TLE4: variants seen among roughly 807,000 people sequenced by gnomAD.
TLE4 encodes the protein transducin-like enhancer protein 4.
A neutral mutation model predicts 92.8 loss-of-function variants in TLE4; 8 were observed. That is an observed-to-expected ratio of 0.09 (90% confidence interval 0.05 to 0.16). The LOEUF is 0.16. Ranked by LOEUF, TLE4 falls within the 10% of genes least tolerant of loss-of-function variation. The pLI, the probability that TLE4 is intolerant of heterozygous loss-of-function variation, is 1.00. For synonymous variants in TLE4, 371 were observed against 374.1 expected, an observed-to-expected ratio of 0.99 and a Z score of 0.10; for missense variants, 675 against 997.6, an observed-to-expected ratio of 0.68 and a Z score of 4.36.
chr9:79,606,619 A>C (rs562851938), intron 4 of TLE4, among the ~76,000 whole-genome samples: 1 of 152,088 alleles, frequency 6.6e-6, no homozygotes, highest in East Asian at 1.9e-4. Flanking sequence ...GAGTGAGAAC[A>C]TGTGGTGTCT....
At chr9:79,627,237 A>G in intron 5 of TLE4, 137 bp from the exon 6 acceptor site, 4 of 819,342 alleles carry the variant, frequency 4.9e-6, no homozygotes, top group Middle Eastern at 3.2e-4. Flanking sequence ...CCATCACCTC[A>G]GGCTTGTATT....
At chr9:79,578,339 G>T (rs2038587020) in intron 4 of TLE4, among the ~76,000 whole-genome samples, 1 of 152,182 alleles carries the variant, frequency 6.6e-6, no homozygotes, top group Non-Finnish European at 1.5e-5. Flanking sequence ...GCCCTTGGAA[G>T]TACCCTAGTA....
intron 19 of TLE4, 113 bp downstream of exon 19, chr9:79,723,148 C>T: frequency 1.0e-6 from 1 of 963,576 alleles, no homozygotes; most frequent in Middle Eastern, 2.2e-4. Context: ...TAGTATTATG[C>T]ACATTGTACA....
chr9:79,658,980 C>T (rs2060154338), intron 8 of TLE4, among the ~76,000 whole-genome samples: 1 of 152,138 alleles, frequency 6.6e-6, no homozygotes, highest in South Asian at 2.1e-4. Flanking sequence ...TCCACTGTAA[C>T]CTAGGGAAAA....
intron 6 of TLE4, among the ~76,000 whole-genome samples, chr9:79,650,061 G>A (rs1353687346): frequency 3.3e-5 from 5 of 151,788 alleles, no homozygotes; most frequent in Non-Finnish European, 7.4e-5. Context: ...GACTACAGAT[G>A]TGCGCCACCA....
chr9:79,679,058 T>G (rs2063869054), intron 8 of TLE4, among the ~76,000 whole-genome samples: 1 of 151,884 alleles, frequency 6.6e-6, no homozygotes, highest in East Asian at 1.9e-4. Flanking sequence ...TCTTTGCTAT[T>G]GTGAATAGTG....
At chr9:79,575,885 CTG>C in intron 3 of TLE4, 1 of 326,602 alleles carries the variant, frequency 3.1e-6, no homozygotes. Flanking sequence ...TATAAAGAAA[CTG>C]GAGATGTTAA....
intron 4 of TLE4, among the ~76,000 whole-genome samples, chr9:79,589,189 G>A (rs1486061825): frequency 6.6e-6 from 1 of 152,144 alleles, no homozygotes; most frequent in Non-Finnish European, 1.5e-5. Context: ...CCTTTTTATG[G>A]CCCGGAGAGT....
chr9:79,627,544 G>A, intron 6 of TLE4, 96 bp downstream of exon 6: 2 of 1,214,740 alleles, frequency 1.6e-6, no homozygotes, highest in Non-Finnish European at 2.4e-6. Context: ...GGGGCAAAAA[G>A]CAATAGATGA....
chr9:79,631,616 A>ATGTGTGTGTGTGTGTG lies in TLE4; in HGVS notation c.390+4200_390+4215dup, dbSNP rs57129541. 7.1e-3 allele frequency among the ~76,000 whole-genome samples: 841 copies of ATGTGTGTGTGTGTGTG among 118,212 alleles called. 15 individuals are homozygous for ATGTGTGTGTGTGTGTG. The highest frequency in any genetic ancestry group is 0.026 in the Middle Eastern group (5 of 190). The allele number at this position is 118,212 out of a possible 152,430, so 77.6% of individuals were successfully genotyped here. On this transcript the variant is annotated intron_variant, in intron 6 of 19. Transcript: ENST00000376552. ...TCCTTGTCATATGATTGAACCTTAA[A>ATGTGTGTGTGTGTGTG]TGTGTGTGTGTGTGTGTGTGTGTGT... is the stretch of plus-strand genomic sequence containing the variant.
chr9:79,688,742 A>C (rs2066423272), intron 8 of TLE4, among the ~76,000 whole-genome samples: 1 of 151,918 alleles, frequency 6.6e-6, no homozygotes. Flanking sequence ...CAACTTAAAA[A>C]GAAGTTTTAT....
At chr9:79,653,973 G>A in intron 7 of TLE4, 86 bp from the exon 8 acceptor site, 1 of 1,412,066 alleles carries the variant, frequency 7.1e-7, no homozygotes, top group South Asian at 1.2e-5. Context: ...TGATAAATCA[G>A]TATGATTTTA....
rs2072317972 is a variant in TLE4 at position 79,708,496 on chromosome 9, A to C, written c.1070-97A>C. ...CTTTTGAGAATATTAAAATAAGCTC[A>C]TTTGAACCATAGATTCTATTTTGTG... On this transcript the variant is annotated intron_variant, in intron 12 of 19. Coordinates refer to ENST00000376552, the MANE Select transcript of TLE4 (RefSeq NM_007005.6). 1.3e-5 allele frequency: 17 copies of C among 1,269,914 alleles called. No individual in the cohort carries two copies. The South Asian group carries it at 2.1e-4, about 16-fold the overall frequency. The allele number at this position is 1,269,914 out of a possible 1,614,324, so 78.7% of individuals were successfully genotyped here.
At chr9:79,721,627 A>C in intron 16 of TLE4, 114 bp from the exon 17 acceptor site, 1 of 1,485,892 alleles carries the variant, frequency 6.7e-7, no homozygotes, top group Non-Finnish European at 9.1e-7. Context: ...TAATAAACCA[A>C]AATGAAATCT....
intron 8 of TLE4, among the ~76,000 whole-genome samples, chr9:79,659,238 A>G (rs781211332): frequency 4.6e-5 from 7 of 152,232 alleles, no homozygotes; most frequent in Non-Finnish European, 7.3e-5. Flanking sequence ...GAAACATACT[A>G]CAAAGTACAA....
At position 79,722,823 on chromosome 9, in the gene TLE4, G is replaced by T. The variant is rs1439151424; in HGVS notation, c.2138-136G>T. 11 of 989,586 alleles carry T rather than the reference G, an allele frequency of 1.1e-5. No homozygotes were observed. In the East Asian group the frequency reaches 2.6e-4, roughly 24 times the overall value. 61.3% of individuals were successfully genotyped at this position (989,586 alleles called of 1,614,324 possible). A position where few individuals can be genotyped will look rare whatever the true frequency, so the allele number is the denominator to read the frequency against. Reference sequence around the variant, plus strand: ...GACTCGATTAAATCCAGAAAGATAGGCTTTATTTTTGAAGTGAAAGTTATT... The same window carrying T: ...GACTCGATTAAATCCAGAAAGATAGTCTTTATTTTTGAAGTGAAAGTTATT... On this transcript the variant is annotated intron_variant, in intron 18 of 19. Coordinates refer to ENST00000376552, the MANE Select transcript of TLE4 (RefSeq NM_007005.6).
chr9:79,718,574 A>G (rs889825109), intron 14 of TLE4, 148 bp from the exon 15 acceptor site: 299 of 1,233,094 alleles, frequency 2.4e-4, no homozygotes, highest in Non-Finnish European at 5.7e-5. Context: ...TCTGGAAATT[A>G]TGTTCTTTAC....
chr9:79,706,781 C>T lies in TLE4; in HGVS notation c.818C>T (p.Ser273Phe). The T allele has an allele frequency of 1.2e-6, 2 of 1,614,112 alleles. No homozygotes were observed. The highest frequency in any genetic ancestry group is 1.7e-6 in the Non-Finnish European group (2 of 1,180,006). The change falls in exon 11 of 20, where the codon TCC becomes TTC. Residue 273 changes from serine (S) to phenylalanine (F), a missense_variant. This residue lies in a region of TLE4 where 280 missense variants were observed against 287.3 expected (regional missense o/e 0.97). Coordinates refer to ENST00000376552, the MANE Select transcript of TLE4 (RefSeq NM_007005.6). ...PSSPRGSPAH[S>F]PRENGLDKTR... is the part of the protein sequence containing the mutation. ...TCCCCTCGAGGGAGCCCAGCACATT[C>T]CCCCAGAGAGAATGGCCTAGACAAG...
At chr9:79,675,872 A>T (rs1406121889) in intron 8 of TLE4, among the ~76,000 whole-genome samples, 1 of 152,118 alleles carries the variant, frequency 6.6e-6, no homozygotes, top group Non-Finnish European at 1.5e-5. Flanking sequence ...ATTTGGGAAT[A>T]TTTGCATTAT....
Sources: allele counts gnomAD v4.1 joint callset (sites outside exome capture counted in the v4.1 genomes callset), GRCh38; gene constraint gnomAD v4.1.1; regional missense constraint gnomAD v4.1.1; transcripts MANE v1.5; gene names NCBI Gene and HGNC (gene_info 2026-07-23, HGNC 2026-07-21).